AGO3: variants seen among roughly 807,000 people sequenced by gnomAD.
AGO3 encodes the protein protein argonaute-3.
Under a neutral mutation model 105.5 loss-of-function variants are expected in AGO3, and 16 were observed. The ratio of observed to expected loss-of-function variants is 0.15; its 90% CI spans 0.10 to 0.23. The LOEUF (loss-of-function observed/expected upper bound fraction) is 0.23. AGO3 is among the 10% of genes least tolerant of loss of function. The pLI is 1.00. For missense variants in AGO3, 534 were observed against 1,088.0 expected, an observed-to-expected ratio of 0.49 and a Z score of 7.16; for synonymous variants, 340 against 367.3, an observed-to-expected ratio of 0.93 and a Z score of 0.85.
rs1306209459 is a variant in AGO3 at position 36,040,262 on chromosome 1, AC to A, written c.2038-44del. On this transcript the variant is annotated intron_variant, in intron 15 of 18. Transcript: ENST00000373191. ...TTATCCTACTTTGAAGTATATAAAA[AC>A]AAATAGCTGACTATATTGAATCTTT... is the stretch of plus-strand genomic sequence containing the variant. 1.9e-6 allele frequency: 3 copies of A among 1,583,016 alleles called. No homozygotes were observed. The East Asian group carries it at 6.7e-5, about 35-fold the overall frequency.
chr1:35,990,812 G>A (rs575518534), intron 5 of AGO3, among the ~76,000 whole-genome samples: 1 of 152,248 alleles, frequency 6.6e-6, no homozygotes, highest in African/African-American at 2.4e-5. Context: ...TGCTAAGATT[G>A]AGAAATAATT....
At chr1:36,010,601 CAAA>C (rs1251742764) in intron 9 of AGO3, among the ~76,000 whole-genome samples, 3 of 92,212 alleles carry the variant, frequency 3.3e-5, no homozygotes, top group Non-Finnish European at 2.2e-5. Context: ...GACTCTGTCT[CAAA>C]AAAAAAAAAA....
rs1640454985 is a variant in AGO3 at position 36,008,877 on chromosome 1, G to A, written c.882-20G>A. 1.9e-6 allele frequency: 3 copies of A among 1,613,872 alleles called. No individual in the cohort carries two copies. The highest frequency in any genetic ancestry group is 2.5e-6 in the Non-Finnish European group (3 of 1,180,024). The stretch of plus-strand genomic sequence containing the variant: ...CTCATAATGGGCAAGAATTGTTCAT[G>A]TGTACTTTTTTTTCCTCAGCTTTCC... On this transcript the variant is annotated intron_variant, in intron 7 of 18. Transcript: ENST00000373191. This position sits in a 1 kb window ranked among gnomAD's most constrained non-coding sequence, Gnocchi z 5.1.
chr1:35,954,316 T>C (rs1025308141), intron 2 of AGO3, among the ~76,000 whole-genome samples: 3 of 151,458 alleles, frequency 2.0e-5, no homozygotes, highest in African/African-American at 4.9e-5. Flanking sequence ...TCCTATAATA[T>C]ATTTGAAACT....
chr1:36,028,754 T>C (rs1641631719), intron 12 of AGO3, among the ~76,000 whole-genome samples: 1 of 152,138 alleles, frequency 6.6e-6, no homozygotes, highest in African/African-American at 2.4e-5. Context: ...CCTTTGGGTA[T>C]ATACCCAGTA....
At chr1:35,991,201 G>A (rs1430340380) in intron 5 of AGO3, among the ~76,000 whole-genome samples, 2 of 152,138 alleles carry the variant, frequency 1.3e-5, no homozygotes, top group Admixed American at 1.3e-4. Context: ...CTACTCGGGA[G>A]GCTGAGACAG....
intron 11 of AGO3, among the ~76,000 whole-genome samples, chr1:36,019,626 A>T (rs934277360): frequency 6.6e-6 from 1 of 152,228 alleles, no homozygotes; most frequent in Non-Finnish European, 1.5e-5. Flanking sequence ...ATCCCTCTGT[A>T]AAGTGTTCAG....
intron 5 of AGO3, among the ~76,000 whole-genome samples, chr1:35,990,528 T>G (rs1056079289): frequency 6.6e-6 from 1 of 152,144 alleles, no homozygotes; most frequent in Non-Finnish European, 1.5e-5. Context: ...TTATTTTTGT[T>G]TACTGTTACT....
chr1:36,067,329 ATCT>A lies in AGO3; in HGVS notation c.*11588_*11590del. ...TTTGGTTTTGCTAGCAACAGACTTG[ATCT>A]TCTATAGTAATTAATTGCAATTAAG... On this transcript the variant is annotated 3_prime_UTR_variant, in exon 19 of 19. Transcript: ENST00000373191. 6.6e-6 allele frequency: 1 copy of A among 152,322 alleles called. No individual in the cohort carries two copies. The highest frequency in any genetic ancestry group is 2.4e-5 in the African/African-American group (1 of 41,566). The allele number at this position is 152,322 out of a possible 1,614,324, so 9.4% of individuals were successfully genotyped here.
At chr1:35,945,337 G>A (rs1646342936) in intron 1 of AGO3, among the ~76,000 whole-genome samples, 1 of 151,898 alleles carries the variant, frequency 6.6e-6, no homozygotes, top group South Asian at 2.1e-4. Flanking sequence ...CCAGGCATGA[G>A]CCACCATGCC....
intron 5 of AGO3, 163 bp downstream of exon 5, chr1:35,973,674 A>G: frequency 2.5e-6 from 2 of 813,944 alleles, no homozygotes; most frequent in South Asian, 1.0e-4. Flanking sequence ...CATTTCATTT[A>G]GAAAGCCTGT....
At chr1:35,937,258 C>T (rs1457115197) in intron 1 of AGO3, among the ~76,000 whole-genome samples, 1 of 152,002 alleles carries the variant, frequency 6.6e-6, no homozygotes, top group African/African-American at 2.4e-5. Context: ...AAAAAATTAG[C>T]CGGGCATAGT....
intron 16 of AGO3, chr1:36,043,185 AC>A: frequency 2.8e-6 from 1 of 360,838 alleles, no homozygotes; most frequent in Non-Finnish European, 4.9e-6. Context: ...AGTGTCTTCC[AC>A]CCATAGTGGG....
At chr1:36,020,161 C>T (rs1641141391) in intron 11 of AGO3, among the ~76,000 whole-genome samples, 2 of 152,110 alleles carry the variant, frequency 1.3e-5, no homozygotes, top group South Asian at 2.1e-4. Context: ...AGCAGGCAGC[C>T]GGCTGTCCAG....
intron 1 of AGO3, among the ~76,000 whole-genome samples, chr1:35,936,833 A>C (rs1251970863): frequency 6.6e-6 from 1 of 152,096 alleles, no homozygotes; most frequent in Non-Finnish European, 1.5e-5. Flanking sequence ...CAGCCTCCCA[A>C]AATGCTGGGA....
At chr1:35,944,703 C>T (rs1646328627) in intron 1 of AGO3, among the ~76,000 whole-genome samples, 1 of 151,910 alleles carries the variant, frequency 6.6e-6, no homozygotes, top group South Asian at 2.1e-4. Context: ...AGGGTTTCAC[C>T]ATGTTGGCCA....
At chr1:35,966,811 A>G (rs1387770940) in intron 2 of AGO3, 144 bp from the exon 3 acceptor site, 3 of 970,216 alleles carry the variant, frequency 3.1e-6, no homozygotes, top group Non-Finnish European at 4.3e-6. Context: ...TCTTAAGCCA[A>G]GATTCTAAAA....
chr1:35,931,540 G>A, intron 1 of AGO3, 95 bp downstream of exon 1: 1 of 1,261,460 alleles, frequency 7.9e-7, no homozygotes, highest in Non-Finnish European at 1.0e-6. Context: ...TGCGCGAGGT[G>A]AGCGTCGGGC....
chr1:36,021,431 A>T (rs1241756606), intron 11 of AGO3, among the ~76,000 whole-genome samples: 1 of 152,172 alleles, frequency 6.6e-6, no homozygotes, highest in Admixed American at 6.5e-5. Flanking sequence ...ATATACTGAG[A>T]TACATGAGAA....
Sources: allele counts gnomAD v4.1 joint callset (sites outside exome capture counted in the v4.1 genomes callset), GRCh38; gene constraint gnomAD v4.1.1; non-coding constraint Gnocchi (gnomAD v3.1); transcripts MANE v1.5; gene names NCBI Gene and HGNC (gene_info 2026-07-23, HGNC 2026-07-21).